COL6A5: variants seen among roughly 807,000 people sequenced by gnomAD.
COL6A5 encodes collagen alpha-5(VI) chain.
Under a neutral mutation model 65.6 loss-of-function variants are expected in COL6A5, and 48 were observed. The observed-to-expected ratio is 0.73, with a 90% CI of 0.58 to 0.93. The LOEUF (loss-of-function observed/expected upper bound fraction) is 0.93. Among genes scored for constraint, COL6A5 ranks in the 40% least tolerant of loss-of-function variants. The pLI, the probability that COL6A5 is intolerant of heterozygous loss-of-function variation, is 0.00. For synonymous variants in COL6A5, 291 were observed against 322.8 expected (o/e 0.90, Z 1.05); for missense variants, 914 against 928.3 (o/e 0.98, Z 0.20).
intron 23 of COL6A5, among the ~76,000 whole-genome samples, chr3:130,416,386 A>T (rs1029721880): frequency 1.3e-5 from 2 of 152,164 alleles, no homozygotes; most frequent in African/African-American, 4.8e-5. Context: ...GCCGTTATGT[A>T]TGCACATATG....
In COL6A5 at chr3:130,439,433, G is replaced by A. The variant is rs58510278; in HGVS notation, c.488-89G>A. On this transcript the variant is annotated intron_variant, in intron 1 of 7. Coordinates refer to ENST00000512836, the Ensembl canonical transcript of COL6A5. Reference sequence around the variant, plus strand: ...TAATGCAAGGTAATAGTGATTAGTTGGGTGTTTTTTAAACTAATCCTTAAA... The same window carrying A: ...TAATGCAAGGTAATAGTGATTAGTTAGGTGTTTTTTAAACTAATCCTTAAA... 5,576 of 799,744 alleles carry A rather than the reference G, an allele frequency of 7.0e-3. 222 individuals are homozygous for A. The African/African-American group carries it at 0.087, about 13-fold the overall frequency. 49.5% of individuals were successfully genotyped at this position (799,744 alleles called of 1,614,324 possible).
rs1937139326 is a variant in COL6A5, at chr3:130,410,507, A to G, written c.4645A>G (p.Ser1549Gly). The change falls in exon 20 of 42, where the codon AGT (serine) becomes GGT (glycine). Residue 1549 changes from serine (S) to glycine (G), a missense_variant and NMD_transcript_variant. Coordinates refer to the COL6A5 transcript ENST00000312481. ...ACAGAAAGGGGTGCAAGGCAGTCCTAGTTCCAGAGGCAGCAGGGTAAGTAT... is the reference window on the plus strand; with the variant it reads ...ACAGAAAGGGGTGCAAGGCAGTCCTGGTTCCAGAGGCAGCAGGGTAAGTAT... 6.4e-7 allele frequency: 1 copy of G among 1,550,788 alleles called. No homozygotes were observed. The highest frequency in any genetic ancestry group is 2.0e-5 in the Admixed American group (1 of 50,954).
chr3:130,398,710 G>A (rs1381414853), intron 10 of COL6A5, among the ~76,000 whole-genome samples: 5 of 152,168 alleles, frequency 3.3e-5, no homozygotes, highest in East Asian at 1.9e-4. Context: ...CATGCCCCAC[G>A]TTGGTGGTGG....
chr3:130,376,773 A>T (rs958867862), exon 3 of COL6A5: 1 of 1,613,684 alleles, frequency 6.2e-7, no homozygotes, highest in South Asian at 1.1e-5. Flanking sequence ...TTCCCAAAAC[A>T]TGACACAGAT....
chr3:130,407,232 T>G (rs367664425), intron 17 of COL6A5, among the ~76,000 whole-genome samples: 8 of 152,236 alleles, frequency 5.3e-5, no homozygotes, highest in African/African-American at 1.9e-4. Context: ...CAAATTTTAC[T>G]TCCTGGAGGG....
chr3:130,413,433 C>A (rs1937239587), intron 20 of COL6A5, 112 bp from the exon 21 acceptor site: 2 of 986,836 alleles, frequency 2.0e-6, no homozygotes, highest in South Asian at 2.9e-5. Context: ...GAAACTGTTT[C>A]TGTGAGCTGC....
At chr3:130,418,452 C>A (rs1386423935) in intron 24 of COL6A5, among the ~76,000 whole-genome samples, 1 of 152,106 alleles carries the variant, frequency 6.6e-6, no homozygotes, top group South Asian at 2.1e-4. Context: ...TTCCATAGCA[C>A]CCTGAACCTT....
At chr3:130,387,068 A>G (rs915557795) in intron 5 of COL6A5, among the ~76,000 whole-genome samples, 3 of 152,104 alleles carry the variant, frequency 2.0e-5, no homozygotes, top group Admixed American at 6.6e-5. Flanking sequence ...TCCATCCTCA[A>G]CACATAGCTT....
chr3:130,406,236 G>A (rs1936989978), intron 16 of COL6A5, 32 bp from the exon 17 acceptor site: 1 of 1,549,538 alleles, frequency 6.5e-7, no homozygotes, highest in Non-Finnish European at 8.7e-7. Flanking sequence ...TTTTTTTTAA[G>A]TGGGAATTTT....
chr3:130,435,848 G>A (rs1022556122), intron 1 of COL6A5, among the ~76,000 whole-genome samples: 2 of 143,408 alleles, frequency 1.4e-5, no homozygotes, highest in African/African-American at 5.1e-5. Context: ...GAGATGATGG[G>A]GTTTTCTAAA....
chr3:130,461,696 T>G (rs1037546714), intron 5 of COL6A5, among the ~76,000 whole-genome samples: 1 of 152,064 alleles, frequency 6.6e-6, no homozygotes, highest in African/African-American at 2.4e-5. Flanking sequence ...TAAAATCATG[T>G]AATCATTTGG....
At chr3:130,357,982 G>A (rs1480157709) in intron 1 of COL6A5, among the ~76,000 whole-genome samples, 1 of 152,058 alleles carries the variant, frequency 6.6e-6, no homozygotes, top group Non-Finnish European at 1.5e-5. Flanking sequence ...GAGGTCAGGT[G>A]ATCGAGACCA....
intron 31 of COL6A5, 30 bp downstream of exon 31, chr3:130,426,433 C>G: frequency 6.5e-7 from 1 of 1,549,680 alleles, no homozygotes; most frequent in South Asian, 1.2e-5. Flanking sequence ...CAAGAGCATC[C>G]ATCAATGGTT....
At position 130,379,529 on chromosome 3, in the gene COL6A5, A is replaced by G. The variant is rs757165964; in HGVS notation, c.779A>G (p.Asn260Ser). 56 of 1,551,294 alleles carry G rather than the reference A, an allele frequency of 3.6e-5. No individual in the cohort carries two copies. In the South Asian group the frequency reaches 6.4e-4, roughly 18 times the overall value. ...AGGCATCTTCAGACCTTCCTTGAGA[A>G]CATTACCAGCTCCATGGATGTGAAG... Residue 260 changes from asparagine (N) to serine (S), a missense_variant and NMD_transcript_variant, in exon 4 of 42, where the codon AAC (asparagine) becomes AGC (serine). Physicochemically the swap from Asn to Ser is conservative, Grantham distance 46. Coordinates refer to the COL6A5 transcript ENST00000312481.
At chr3:130,346,203 AGGACTAATAGCATCGCCT>A (rs1553742342) in intron 1 of COL6A5, among the ~76,000 whole-genome samples, 2 of 152,212 alleles carry the variant, frequency 1.3e-5, no homozygotes, top group Non-Finnish European at 2.9e-5. Context: ...GTGTGATGCA[AGGACTAATAGCATCGCCT>A]TGCCCTTGAA....
chr3:130,447,527 G>T (rs1357267046), intron 4 of COL6A5, among the ~76,000 whole-genome samples: 1 of 152,142 alleles, frequency 6.6e-6, no homozygotes, highest in Non-Finnish European at 1.5e-5. Context: ...TCGACTTTAT[G>T]GTTACCGGCA....
intron 1 of COL6A5, among the ~76,000 whole-genome samples, chr3:130,367,059 T>C (rs779254131): frequency 6.6e-6 from 1 of 152,204 alleles, no homozygotes; most frequent in Non-Finnish European, 1.5e-5. Flanking sequence ...TTCCATAAAT[T>C]ATCTATAAGC....
intron 29 of COL6A5, among the ~76,000 whole-genome samples, chr3:130,424,280 A>G (rs1246715527): frequency 1.3e-5 from 2 of 152,082 alleles, no homozygotes; most frequent in Non-Finnish European, 2.9e-5. Flanking sequence ...CAAAACCACT[A>G]TTGTTGCCTT....
chr3:130,466,066 C>A (rs1709808307), intron 5 of COL6A5, among the ~76,000 whole-genome samples: 1 of 152,030 alleles, frequency 6.6e-6, no homozygotes, highest in African/African-American at 2.4e-5. Flanking sequence ...TTCTCCCAAT[C>A]ATTGATTAAA....
Sources: gnomAD v4.1 joint callset for allele counts (sites outside exome capture counted in the v4.1 genomes callset) on GRCh38, gnomAD v4.1.1 for gene constraint, MANE v1.5 for transcripts, NCBI Gene and HGNC (gene_info 2026-07-23, HGNC 2026-07-21) for gene names.